OR52N4: variants seen among roughly 807,000 people sequenced by gnomAD.
The protein encoded by OR52N4 is olfactory receptor family 52 subfamily N member 4.
Under a neutral mutation model 15.0 loss-of-function variants are expected in OR52N4, and 15 were observed. The ratio of observed to expected loss-of-function variants is 1.00; its 90% CI spans 0.67 to 1.54. OR52N4 has a LOEUF of 1.54. OR52N4 is among the 40% of genes most tolerant of loss of function. OR52N4 has a pLI of 0.00. For missense variants in OR52N4, 421 were observed against 394.0 expected (o/e 1.07, Z -0.58); for synonymous variants, 143 against 143.7 (o/e 1.00, Z 0.03).
At position 5,754,779 on chromosome 11, in the gene OR52N4, A is replaced by C; in HGVS notation, c.39A>C (p.Ser13=). ...ATAAAACAGACCTAATACCAGCTTC[A>C]TTTATTCTGAATGGAGTCCCAGGAC... is the stretch of plus-strand genomic sequence containing the variant. ...TLNKTDLIPA[S]FILNGVPGLE... is the part of the protein sequence containing the mutation. Residue 13 remains serine (S), a synonymous_variant, in exon 2 of 2, where the codon TCA becomes TCC. Coordinates refer to ENST00000641350, the MANE Select transcript of OR52N4 (RefSeq NM_001005175.5). 6.2e-7 allele frequency: 1 copy of C among 1,613,416 alleles called. No individual in the cohort carries two copies. The highest frequency in any genetic ancestry group is 8.5e-7 in the Non-Finnish European group (1 of 1,179,602).
the OR52N4 span, among the ~76,000 whole-genome samples, chr11:5,730,336 T>C: frequency 0.17 from 25,043 of 151,440 alleles, 2,254 homozygotes; most frequent in Admixed American, 0.26. Flanking sequence ...GGACTACAGG[T>C]GCCCGCCACC....
At chr11:5,730,456 G>A in the OR52N4 span, among the ~76,000 whole-genome samples, 1 of 151,752 alleles carries the variant, frequency 6.6e-6, no homozygotes, top group African/African-American at 2.4e-5. Flanking sequence ...CTCCCAAAGT[G>A]CTGGGATTAC....
At position 5,754,673 on chromosome 11, in the gene OR52N4, G is replaced by T. The variant is rs1322564808; in HGVS notation, c.-48-20G>T. On this transcript the variant is annotated intron_variant, in intron 1 of 1. Transcript: ENST00000641350. ...GTAAAAATAACCTATATTTTCTCTT[G>T]TTTTTTTTTTTAACTCTAGGAAAGC... 16 of 1,205,296 alleles carry T rather than the reference G, an allele frequency of 1.3e-5. No homozygotes were observed. The highest frequency in any genetic ancestry group is 7.9e-5 in the African/African-American group (5 of 63,140). The allele number at this position is 1,205,296 out of a possible 1,614,324, so 74.7% of individuals were successfully genotyped here.
chr11:5,752,544 G>A (rs962085761), upstream of OR52N4, among the ~76,000 whole-genome samples: 7 of 152,158 alleles, frequency 4.6e-5, no homozygotes, highest in African/African-American at 1.4e-4. Flanking sequence ...ATGGCTGCCA[G>A]CCTGAGTAGA....
At chr11:5,747,077 CAAAAAAAAAAAAAAA>C in the OR52N4 span, among the ~76,000 whole-genome samples, 8 of 57,262 alleles carry the variant, frequency 1.4e-4, no homozygotes, top group Admixed American at 2.6e-4. Flanking sequence ...GTAAAAATAC[CAAAAAAAAAAAAAAA>C]AAAAAAAAAA....
the OR52N4 span, chr11:5,737,037 A>G: frequency 2.5e-6 from 4 of 1,614,072 alleles, no homozygotes; most frequent in Admixed American, 5.0e-5. Flanking sequence ...CTTGCAGCAC[A>G]GCGTGATTAT....
At chr11:5,728,981 C>G in the OR52N4 span, among the ~76,000 whole-genome samples, 6 of 152,034 alleles carry the variant, frequency 3.9e-5, no homozygotes, top group Non-Finnish European at 5.9e-5. Context: ...TGTTGGTGTG[C>G]TGCACCCATT....
At chr11:5,748,338 A>G in the OR52N4 span, among the ~76,000 whole-genome samples, 8 of 151,782 alleles carry the variant, frequency 5.3e-5, no homozygotes, top group African/African-American at 1.9e-4. Context: ...TCAAGTTAGC[A>G]TATGTTATTA....
At chr11:5,738,717 T>C in the OR52N4 span, among the ~76,000 whole-genome samples, 3 of 152,024 alleles carry the variant, frequency 2.0e-5, no homozygotes, top group African/African-American at 7.3e-5. Flanking sequence ...GAGGTCGATA[T>C]AGAAATTTTT....
chr11:5,742,885 CAT>C, the OR52N4 span, among the ~76,000 whole-genome samples: 832 of 152,190 alleles, frequency 5.5e-3, 2 homozygotes, highest in African/African-American at 0.017. Flanking sequence ...AACAAAATCT[CAT>C]GTATTAATAT....
chr11:5,734,355 T>A, the OR52N4 span: 1 of 374,928 alleles, frequency 2.7e-6, no homozygotes, highest in Non-Finnish European at 5.3e-6. Flanking sequence ...TCTCTCTGTT[T>A]TAGTAGCATA....
At chr11:5,733,197 C>T in the OR52N4 span, among the ~76,000 whole-genome samples, 1 of 152,262 alleles carries the variant, frequency 6.6e-6, no homozygotes, top group South Asian at 2.1e-4. Flanking sequence ...ATTGCTTTAG[C>T]ATAAATTTGC....
chr11:5,754,435 G>C (rs886786318), intron 1 of OR52N4, 130 bp downstream of exon 1: 2 of 282,122 alleles, frequency 7.1e-6, no homozygotes, highest in Non-Finnish European at 1.3e-5. Flanking sequence ...CTATGAGATT[G>C]GGAATATGTC....
the OR52N4 span, among the ~76,000 whole-genome samples, chr11:5,747,667 C>T: frequency 6.6e-6 from 1 of 151,894 alleles, no homozygotes; most frequent in Non-Finnish European, 1.5e-5. Flanking sequence ...AGCCTATACC[C>T]CAGTCATAGA....
At chr11:5,736,240 T>C in the OR52N4 span, 1 of 402,282 alleles carries the variant, frequency 2.5e-6, no homozygotes, top group Non-Finnish European at 4.5e-6. Flanking sequence ...AAGACGTTAA[T>C]GGACATCTAT....
At chr11:5,731,573 A>G in the OR52N4 span, among the ~76,000 whole-genome samples, 1 of 152,188 alleles carries the variant, frequency 6.6e-6, no homozygotes, top group African/African-American at 2.4e-5. Context: ...ACCAAATGGT[A>G]GCTCTTAATT....
the OR52N4 span, among the ~76,000 whole-genome samples, chr11:5,739,922 G>A: frequency 6.0e-3 from 768 of 128,272 alleles, 166 homozygotes; most frequent in African/African-American, 0.019. Context: ...GAACTGGCCC[G>A]GCTAAGACTT....
Position 5,754,918 on chromosome 11 carries a change from C to T in OR52N4, c.178C>T (p.Pro60Ser), listed in dbSNP as rs750704734. 6.8e-6 allele frequency: 11 copies of T among 1,613,812 alleles called. No individual in the cohort carries two copies. In the East Asian group the frequency reaches 2.5e-4, roughly 36 times the overall value. Residue 60 changes from proline (P) to serine (S), a missense_variant, in exon 2 of 2, where the codon CCC becomes TCC. By Grantham distance (74) the Pro-to-Ser change is moderately conservative (BLOSUM62 -1). Coordinates refer to ENST00000641350, the MANE Select transcript of OR52N4 (RefSeq NM_001005175.5). ...LIHYEDALHK[P>S]MYYFLAMLSF... ...TCACTATGAGGATGCCCTGCACAAA[C>T]CCATGTACTACTTCTTGGCCATGCT...
At chr11:5,734,533 G>A in the OR52N4 span, among the ~76,000 whole-genome samples, 1 of 152,038 alleles carries the variant, frequency 6.6e-6, no homozygotes, top group Non-Finnish European at 1.5e-5. Context: ...CGTATTCTAT[G>A]TCATGCTAGA....
Sources: gnomAD v4.1 joint callset for allele counts (sites outside exome capture counted in the v4.1 genomes callset) on GRCh38, gnomAD v4.1.1 for gene constraint, MANE v1.5 for transcripts, NCBI Gene and HGNC (gene_info 2026-07-23, HGNC 2026-07-21) for gene names.